FAM110B: variants seen among roughly 807,000 people sequenced by gnomAD.
FAM110B encodes family with sequence similarity 110 member B, also known as protein FAM110B.
A neutral mutation model predicts 20.4 loss-of-function variants in FAM110B; 6 were observed. The ratio of observed to expected loss-of-function variants is 0.29; its 90% CI spans 0.16 to 0.58. The LOEUF (loss-of-function observed/expected upper bound fraction) is 0.58, where lower values mean the gene tolerates loss of function less well. FAM110B is among the 20% of genes least tolerant of loss of function. The pLI, the probability that FAM110B is intolerant of heterozygous loss-of-function variation, is 0.90. For synonymous variants in FAM110B, 226 were observed against 214.1 expected (o/e 1.06, Z -0.49); for missense variants, 434 against 498.2 (o/e 0.87, Z 1.23).
At chr8:58,074,730 TG>T (rs773152303) in intron 2 of FAM110B, among the ~76,000 whole-genome samples, 1 of 152,138 alleles carries the variant, frequency 6.6e-6, no homozygotes, top group Non-Finnish European at 1.5e-5. Flanking sequence ...ACGGTGCTCC[TG>T]GGGCAATCAA....
At chr8:58,018,539 CT>C (rs1160653738) in intron 1 of FAM110B, among the ~76,000 whole-genome samples, 1 of 151,918 alleles carries the variant, frequency 6.6e-6, no homozygotes, top group Non-Finnish European at 1.5e-5. Context: ...TTAGATAGTG[CT>C]TTTTTTATTC....
chr8:58,066,999 T>C (rs878992529), intron 2 of FAM110B, among the ~76,000 whole-genome samples: 3 of 152,200 alleles, frequency 2.0e-5, no homozygotes, highest in East Asian at 1.9e-4. Flanking sequence ...CTCCTTAAGA[T>C]AGTGTTTGAC....
At chr8:58,032,863 ATCCACT>A (rs1804995119) in intron 2 of FAM110B, among the ~76,000 whole-genome samples, 1 of 152,136 alleles carries the variant, frequency 6.6e-6, no homozygotes, top group African/African-American at 2.4e-5. Flanking sequence ...TCTGTGGTAA[ATCCACT>A]TCAATGTGGC....
intron 1 of FAM110B, among the ~76,000 whole-genome samples, chr8:58,027,735 T>C (rs1804880911): frequency 6.6e-6 from 1 of 152,232 alleles, no homozygotes; most frequent in Admixed American, 6.5e-5. Context: ...CATAGTATAA[T>C]CCTCTTGAAA....
chr8:58,144,778 G>A (rs554307386), intron 3 of FAM110B, among the ~76,000 whole-genome samples: 20 of 152,308 alleles, frequency 1.3e-4, no homozygotes, highest in Admixed American at 3.9e-4. Context: ...ATTTGTAAAT[G>A]TTCTCTGCCT....
chr8:58,006,923 A>ATATATATATATATATATATTTT, intron 1 of FAM110B, among the ~76,000 whole-genome samples: 4 of 126,536 alleles, frequency 3.2e-5, no homozygotes, highest in African/African-American at 1.2e-4. Context: ...ATATATATAT[A>ATATATATATATATATATATTTT]TTTTTCCAAA....
chr8:58,129,944 A>G (rs948953411), intron 3 of FAM110B, among the ~76,000 whole-genome samples: 1 of 151,256 alleles, frequency 6.6e-6, no homozygotes, highest in Non-Finnish European at 1.5e-5. Context: ...TTAAATTCTT[A>G]TTACAGTTTA....
At chr8:58,062,070 TG>T (rs1805668372) in intron 2 of FAM110B, among the ~76,000 whole-genome samples, 1 of 152,166 alleles carries the variant, frequency 6.6e-6, no homozygotes, top group Non-Finnish European at 1.5e-5. Context: ...AATCATCCAG[TG>T]GTAAATGCTG....
At chr8:58,107,787 C>T (rs1028774202) in intron 3 of FAM110B, among the ~76,000 whole-genome samples, 1 of 152,182 alleles carries the variant, frequency 6.6e-6, no homozygotes, top group Admixed American at 6.5e-5. Flanking sequence ...ATGGTGGATA[C>T]CACATCATTA....
chr8:58,132,432 T>G (rs1803497295), intron 3 of FAM110B, among the ~76,000 whole-genome samples: 1 of 152,070 alleles, frequency 6.6e-6, no homozygotes, highest in Admixed American at 6.5e-5. Context: ...TGTTCAGGTC[T>G]GGCCCCTCTT....
intron 2 of FAM110B, among the ~76,000 whole-genome samples, chr8:58,049,001 A>G (rs1009630289): frequency 3.9e-5 from 6 of 152,222 alleles, no homozygotes; most frequent in South Asian, 2.1e-4. Flanking sequence ...ATTTCCTTTC[A>G]GCAGGACTGG....
intron 3 of FAM110B, among the ~76,000 whole-genome samples, chr8:58,093,725 A>G (rs1806545728): frequency 6.6e-6 from 1 of 152,344 alleles, no homozygotes; most frequent in South Asian, 2.1e-4. Flanking sequence ...TGTCTTGGCT[A>G]TGCGGGCTCT....
chr8:58,082,121 G>A (rs948803092), intron 3 of FAM110B, among the ~76,000 whole-genome samples: 1 of 152,122 alleles, frequency 6.6e-6, no homozygotes, highest in Non-Finnish European at 1.5e-5. Context: ...GATTGTAGAT[G>A]GCTTTGCAGC....
At chr8:58,010,630 G>A (rs1804512632) in intron 1 of FAM110B, among the ~76,000 whole-genome samples, 1 of 152,114 alleles carries the variant, frequency 6.6e-6, no homozygotes. Flanking sequence ...TAGGAGGAAG[G>A]AAAACAGCTT....
intron 3 of FAM110B, among the ~76,000 whole-genome samples, chr8:58,093,040 G>A (rs1806523603): frequency 1.3e-5 from 2 of 152,120 alleles, no homozygotes; most frequent in Admixed American, 1.3e-4. Context: ...CTGCATAAAT[G>A]TCTTCTTTTG....
At chr8:58,142,265 C>A (rs531232848) in intron 3 of FAM110B, among the ~76,000 whole-genome samples, 1 of 152,196 alleles carries the variant, frequency 6.6e-6, no homozygotes, top group Non-Finnish European at 1.5e-5. Context: ...GGGCTTCCCC[C>A]CTTTCCTGTT....
In FAM110B at chr8:58,086,517, A is replaced by C. The variant is rs565044514; in HGVS notation, c.-325+10894A>C. 4.9e-4 allele frequency among the ~76,000 whole-genome samples: 74 copies of C among 152,332 alleles called. 1 individual carries two copies. Among genetic ancestry groups the C allele is most frequent in the South Asian group, 3.9e-3 (19 of 4,828 alleles). ...CAGTCAGTATCTTGTTTTTCAGACG[A>C]CTGAAACCTGGCTTTGAAGTGCTAC... is the stretch of plus-strand genomic sequence containing the variant. On this transcript the variant is annotated intron_variant, in intron 3 of 3. Transcript: ENST00000519262.
intron 2 of FAM110B, among the ~76,000 whole-genome samples, chr8:58,048,627 T>G (rs1028208862): frequency 8.5e-5 from 13 of 152,278 alleles, no homozygotes; most frequent in Non-Finnish European, 1.9e-4. Context: ...ATTTTTAATT[T>G]TAAAATGTTC....
chr8:58,000,008 C>CA (rs1379747528), intron 1 of FAM110B, among the ~76,000 whole-genome samples: 1 of 152,032 alleles, frequency 6.6e-6, no homozygotes, highest in Admixed American at 6.6e-5. Context: ...AGTCAACAAG[C>CA]AAAAACTGTG....
Sources: allele counts gnomAD v4.1 joint callset (sites outside exome capture counted in the v4.1 genomes callset), GRCh38; gene constraint gnomAD v4.1.1; transcripts MANE v1.5; gene names NCBI Gene and HGNC (gene_info 2026-07-23, HGNC 2026-07-21).